The following LRBA variants were observed in gnomAD, a reference collection of about 807,000 sequenced individuals.
LRBA encodes LPS responsive beige-like anchor protein, also known as lipopolysaccharide-responsive and beige-like anchor protein.
Under a neutral mutation model 330.0 loss-of-function variants are expected in LRBA, and 176 were observed. That is an observed-to-expected ratio of 0.53 (90% CI 0.47 to 0.60). LRBA has a LOEUF of 0.60. Ranked by LOEUF, LRBA falls within the 20% of genes least tolerant of loss-of-function variation. The pLI, the probability that LRBA is intolerant of heterozygous loss-of-function variation, is 0.00. For synonymous variants in LRBA, 1,230 were observed against 1,193.0 expected (o/e 1.03, Z -0.64); for missense variants, 3,259 against 3,444.8 (o/e 0.95, Z 1.35).
At chr4:150,920,496 C>G (rs1733133844) in intron 5 of LRBA, among the ~76,000 whole-genome samples, 1 of 152,256 alleles carries the variant, frequency 6.6e-6, no homozygotes, top group South Asian at 2.1e-4. Context: ...TTGCAGTGAG[C>G]CGAGATCGCA....
chr4:150,585,740 T>C lies in LRBA; in HGVS notation c.6330+2308A>G, dbSNP rs556474818. Among the ~76,000 whole-genome samples, 10 of 152,300 alleles carry C rather than the reference T, an allele frequency of 6.6e-5. No individual in the cohort carries two copies. In the South Asian group the frequency reaches 1.2e-3, roughly 19 times the overall value. On this transcript the variant is annotated intron_variant, in intron 40 of 56. Coordinates refer to ENST00000651943, the MANE Select transcript of LRBA (RefSeq NM_001364905.1). ...TTGTATTAGCCCAGGTTTTAATTTA[T>C]TGAGAAAATGCACAAATGAGAGGTG...
chr4:150,598,976 G>A (rs1255763081), intron 38 of LRBA, 31 bp downstream of exon 38: 1 of 1,612,642 alleles, frequency 6.2e-7, no homozygotes, highest in Non-Finnish European at 8.5e-7. Flanking sequence ...TGTACCTGCT[G>A]CTATTGGCAA....
intron 18 of LRBA, among the ~76,000 whole-genome samples, chr4:150,872,363 CA>C (rs1177335715): frequency 6.6e-6 from 1 of 151,998 alleles, no homozygotes; most frequent in East Asian, 1.9e-4. Context: ...ACAGATAAAG[CA>C]AAAATGGTGT....
rs1326793152 is a variant in LRBA, at chr4:150,976,192, A to G, written c.216+38235T>C. Among the ~76,000 whole-genome samples, 9 of 151,352 alleles carry G rather than the reference A, an allele frequency of 5.9e-5. No homozygotes were observed. In the East Asian group the frequency reaches 1.7e-3, roughly 29 times the overall value. On this transcript the variant is annotated intron_variant, in intron 2 of 56. Transcript: ENST00000651943. ...TCCGTCTTGAAAAAAAAAAAAAAAA[A>G]AAGAACAAAAAGGAGAGTAGAAAGA...
intron 2 of LRBA, among the ~76,000 whole-genome samples, chr4:150,990,580 A>G (rs1025042284): frequency 1.3e-5 from 2 of 152,092 alleles, no homozygotes; most frequent in Non-Finnish European, 2.9e-5. Flanking sequence ...AAAACAAAAC[A>G]AAAGAATTAG....
intron 40 of LRBA, among the ~76,000 whole-genome samples, chr4:150,560,212 G>T (rs2152269301): frequency 6.6e-6 from 1 of 151,490 alleles, no homozygotes; most frequent in East Asian, 1.9e-4. Flanking sequence ...GTATGTGTGG[G>T]TGTATTTACT....
intron 44 of LRBA, among the ~76,000 whole-genome samples, chr4:150,455,763 T>C (rs1753976019): frequency 6.6e-6 from 1 of 152,128 alleles, no homozygotes; most frequent in Admixed American, 6.6e-5. Context: ...TATTCTATCT[T>C]GATAATTTTT....
intron 37 of LRBA, among the ~76,000 whole-genome samples, chr4:150,614,220 C>T (rs1035196807): frequency 6.6e-6 from 1 of 152,212 alleles, no homozygotes; most frequent in Non-Finnish European, 1.5e-5. Flanking sequence ...GACAGTTCAA[C>T]TCTCCCAGCT....
chr4:150,834,923 T>C (rs1029742392), intron 28 of LRBA, among the ~76,000 whole-genome samples: 3 of 152,112 alleles, frequency 2.0e-5, no homozygotes, highest in Non-Finnish European at 4.4e-5. Context: ...TCTTCTAGGG[T>C]TTTTATGGTT....
chr4:150,532,239 C>T (rs1055801339), intron 40 of LRBA, among the ~76,000 whole-genome samples: 5 of 152,162 alleles, frequency 3.3e-5, no homozygotes, highest in African/African-American at 7.2e-5. Flanking sequence ...TCTAGTCAAG[C>T]GGAAATGGTT....
chr4:150,908,478 C>G lies in LRBA; in HGVS notation c.1360-11G>C. Reference sequence around the variant, plus strand: ...AACTGCCTTTACATCCTTGTAAGATCAAAAACACAGTAAAGAGTTCAATGA... The same window carrying G: ...AACTGCCTTTACATCCTTGTAAGATGAAAAACACAGTAAAGAGTTCAATGA... On this transcript the variant is annotated splice_polypyrimidine_tract_variant and intron_variant, in intron 10 of 56. Coordinates refer to ENST00000651943, the MANE Select transcript of LRBA (RefSeq NM_001364905.1). 6.3e-7 allele frequency: 1 copy of G among 1,579,760 alleles called. No individual in the cohort carries two copies. Among genetic ancestry groups the G allele is most frequent in the Non-Finnish European group, 8.6e-7 (1 of 1,168,532 alleles).
Position 150,435,691 on chromosome 4 carries a change from A to G in LRBA, c.6939T>C (p.Tyr2313=). Residue 2313 remains tyrosine, a synonymous_variant, in exon 46 of 57, where the codon TAT becomes TAC. Transcript: ENST00000651943. ...ATTTGCCTCCTTGCAAATTTAGGAA[A>G]TAAGTTGTAAAGGGTTCCTAAAAAA... The part of the protein sequence containing the change: ...WLLRIEPFTT[Y]FLNLQGGKFD... 1.2e-6 allele frequency: 2 copies of G among 1,610,558 alleles called. No individual in the cohort carries two copies. Among genetic ancestry groups the G allele is most frequent in the South Asian group, 1.1e-5 (1 of 90,204 alleles).
At chr4:150,559,736 A>G (rs1368556063) in intron 40 of LRBA, among the ~76,000 whole-genome samples, 1 of 89,460 alleles carries the variant, frequency 1.1e-5, no homozygotes, top group Non-Finnish European at 2.0e-5. Context: ...AATATATAAT[A>G]TAATATATAA....
chr4:150,638,052 C>T (rs1225240599), intron 37 of LRBA, among the ~76,000 whole-genome samples: 1 of 151,990 alleles, frequency 6.6e-6, no homozygotes, highest in Non-Finnish European at 1.5e-5. Context: ...TAGCATCCTA[C>T]ATTATACTGC....
intron 37 of LRBA, among the ~76,000 whole-genome samples, chr4:150,648,175 A>AC (rs1338192995): frequency 1.4e-5 from 2 of 146,324 alleles, no homozygotes; most frequent in African/African-American, 4.9e-5. Context: ...AAAAAAAAAA[A>AC]AACTAGAAAA....
chr4:150,664,774 CATGAG>C (rs1433872777), intron 37 of LRBA, among the ~76,000 whole-genome samples: 2 of 152,178 alleles, frequency 1.3e-5, no homozygotes, highest in African/African-American at 4.8e-5. Flanking sequence ...AAACTTACCT[CATGAG>C]ATAATTTTCT....
intron 40 of LRBA, chr4:150,584,643 C>T (rs866667479): frequency 6.0e-6 from 1 of 167,002 alleles, no homozygotes; most frequent in Non-Finnish European, 1.5e-5. Flanking sequence ...CTACCCTCAC[C>T]CTGAGCTGTC....
At chr4:150,316,031 A>G (rs1340528089) in intron 50 of LRBA, among the ~76,000 whole-genome samples, 1 of 152,190 alleles carries the variant, frequency 6.6e-6, no homozygotes, top group Non-Finnish European at 1.5e-5. Flanking sequence ...AAGGATCTAC[A>G]AAAATGTCAA....
At chr4:150,827,594 CTTTT>C (rs1006527210) in intron 30 of LRBA, among the ~76,000 whole-genome samples, 1 of 149,590 alleles carries the variant, frequency 6.7e-6, no homozygotes, top group African/African-American at 2.5e-5. Flanking sequence ...CTTATGATTT[CTTTT>C]TTTTTCTTTT....
Sources: gnomAD v4.1 joint callset for allele counts (sites outside exome capture counted in the v4.1 genomes callset) on GRCh38, gnomAD v4.1.1 for gene constraint, MANE v1.5 for transcripts, NCBI Gene and HGNC (gene_info 2026-07-23, HGNC 2026-07-21) for gene names.